Variants in RBFOX1 observed in about 807,000 individuals in gnomAD.
RBFOX1 encodes the protein RNA binding fox-1 homolog 1.
Under a neutral mutation model 57.7 loss-of-function variants are expected in RBFOX1, and 8 were observed. The observed-to-expected ratio is 0.14, with a 90% CI of 0.08 to 0.25. The LOEUF (loss-of-function observed/expected upper bound fraction) is 0.25, where lower values mean the gene tolerates loss of function less well. Among genes scored for constraint, RBFOX1 ranks in the 10% least tolerant of loss-of-function variants. RBFOX1 has a pLI of 1.00. For synonymous variants in RBFOX1, 326 were observed against 222.4 expected, an observed-to-expected ratio of 1.47 and a Z score of -4.15; for missense variants, 611 against 548.5, an observed-to-expected ratio of 1.11 and a Z score of -1.14.
At chr16:6,327,010 A>G (rs2082450063) in intron 2 of RBFOX1, among the ~76,000 whole-genome samples, 1 of 152,106 alleles carries the variant, frequency 6.6e-6, no homozygotes, top group South Asian at 2.1e-4. Context: ...GCTCGTTTTA[A>G]ACTTATCACA....
chr16:7,635,570 G>C (rs117081707), intron 11 of RBFOX1, among the ~76,000 whole-genome samples: 4,440 of 152,200 alleles, frequency 0.029, 100 homozygotes, highest in Middle Eastern at 0.051. Context: ...ATGCAATGGT[G>C]GGGGCGGGGG....
chr16:5,242,720 C>G (rs2062197829), intron 1 of RBFOX1, among the ~76,000 whole-genome samples: 1 of 152,136 alleles, frequency 6.6e-6, no homozygotes, highest in Non-Finnish European at 1.5e-5. Flanking sequence ...GGACTTTTCT[C>G]TGCAAGAAGC....
At chr16:7,695,285 C>G (rs571652135) in intron 14 of RBFOX1, among the ~76,000 whole-genome samples, 9 of 152,276 alleles carry the variant, frequency 5.9e-5, no homozygotes, top group Non-Finnish European at 1.0e-4. Flanking sequence ...TATCTCCCAG[C>G]AAGTTCACCT....
intron 2 of RBFOX1, among the ~76,000 whole-genome samples, chr16:5,543,200 G>C (rs2045038075): frequency 6.6e-6 from 1 of 152,118 alleles, no homozygotes; most frequent in South Asian, 2.1e-4. Flanking sequence ...GCCCAAAGAA[G>C]TTGCAAAGAA....
intron 4 of RBFOX1, among the ~76,000 whole-genome samples, chr16:5,881,235 G>C (rs1182087754): frequency 2.6e-5 from 4 of 152,200 alleles, no homozygotes; most frequent in African/African-American, 9.6e-5. Flanking sequence ...TGAAAGTCTA[G>C]AACTGGATGA....
At chr16:6,960,444 A>G (rs529014133) in intron 3 of RBFOX1, among the ~76,000 whole-genome samples, 27 of 152,106 alleles carry the variant, frequency 1.8e-4, no homozygotes, top group African/African-American at 6.5e-4. Flanking sequence ...ACAGGAATAA[A>G]CTCCCTTGTC....
upstream of RBFOX1, among the ~76,000 whole-genome samples, chr16:6,016,793 C>T (rs1217340697): frequency 2.0e-5 from 3 of 152,144 alleles, no homozygotes; most frequent in Non-Finnish European, 2.9e-5. Flanking sequence ...CTTCCAGTGG[C>T]TCAACATGGA....
Position 5,783,273 on chromosome 16 carries a change from T to G in RBFOX1, c.319-84030T>G, listed in dbSNP as rs113318426. ...CACCTGTGTAACTATCTTTTCAATCTATGTATAAGATATCTCTCTCCTCCC... is the reference window on the plus strand; with the variant it reads ...CACCTGTGTAACTATCTTTTCAATCGATGTATAAGATATCTCTCTCCTCCC... On this transcript the variant is annotated intron_variant, in intron 3 of 19. Transcript: ENST00000641259. 1.0e-3 allele frequency among the ~76,000 whole-genome samples: 153 copies of G among 152,352 alleles called. 1 individual carries two copies. Among genetic ancestry groups the G allele is most frequent in the African/African-American group, 3.4e-3 (140 of 41,578 alleles).
At chr16:7,622,309 A>G (rs910571078) in intron 10 of RBFOX1, among the ~76,000 whole-genome samples, 19 of 152,234 alleles carry the variant, frequency 1.2e-4, no homozygotes, top group African/African-American at 4.1e-4. Flanking sequence ...CTACAGGGTC[A>G]TTAAGAGTAA....
At chr16:5,826,915 GA>G (rs2056077062) in intron 3 of RBFOX1, among the ~76,000 whole-genome samples, 1 of 152,190 alleles carries the variant, frequency 6.6e-6, no homozygotes, top group Non-Finnish European at 1.5e-5. Context: ...AATAGTGTTG[GA>G]AATGCTAGAA....
chr16:5,815,719 A>G (rs1413509313), intron 3 of RBFOX1, among the ~76,000 whole-genome samples: 1 of 152,066 alleles, frequency 6.6e-6, no homozygotes, highest in Non-Finnish European at 1.5e-5. Flanking sequence ...TTCTTGTAAA[A>G]CCATTGCAAT....
At chr16:7,351,391 G>A (rs1038419109) in intron 4 of RBFOX1, among the ~76,000 whole-genome samples, 13 of 152,374 alleles carry the variant, frequency 8.5e-5, no homozygotes, top group Non-Finnish European at 1.5e-4. Context: ...TGCAAGGCAC[G>A]ATGGCAAACA....
chr16:6,786,157 G>C (rs1385333155), intron 3 of RBFOX1, among the ~76,000 whole-genome samples: 1 of 152,104 alleles, frequency 6.6e-6, no homozygotes, highest in African/African-American at 2.4e-5. Context: ...TGGAGTTCGG[G>C]GGCCAGGCGA....
At chr16:6,838,223 C>G (rs149775191) in intron 3 of RBFOX1, among the ~76,000 whole-genome samples, 3 of 152,026 alleles carry the variant, frequency 2.0e-5, no homozygotes, top group Non-Finnish European at 2.9e-5. Context: ...GTTCCCTTCC[C>G]TGTGTCCATG....
At chr16:6,268,334 C>T (rs1426201337) in intron 1 of RBFOX1, among the ~76,000 whole-genome samples, 3 of 152,182 alleles carry the variant, frequency 2.0e-5, no homozygotes, top group Non-Finnish European at 2.9e-5. Flanking sequence ...CCTCTGCTCC[C>T]ATCACCCTAA....
intron 1 of RBFOX1, among the ~76,000 whole-genome samples, chr16:5,334,022 G>A (rs1263485166): frequency 6.6e-6 from 1 of 152,166 alleles, no homozygotes; most frequent in Non-Finnish European, 1.5e-5. Flanking sequence ...GGTTTATTTT[G>A]GTGAATAAAC....
chr16:7,403,012 C>T (rs962862827), intron 4 of RBFOX1, among the ~76,000 whole-genome samples: 6 of 152,174 alleles, frequency 3.9e-5, no homozygotes, highest in African/African-American at 9.7e-5. Context: ...TGGAACTCCC[C>T]GTTCACGATG....
At chr16:7,233,626 C>T (rs538784665) in intron 4 of RBFOX1, among the ~76,000 whole-genome samples, 1 of 152,212 alleles carries the variant, frequency 6.6e-6, no homozygotes. Flanking sequence ...GCATTGTGGA[C>T]ATCCGATTGT....
rs1567355465 is a variant in RBFOX1, at chr16:6,060,122, G to GTTTTTTGTTTTTTTTTT, written c.-127+40136_-127+40137insGTTTTTTTTTTTTTTTT. Among the ~76,000 whole-genome samples the GTTTTTTGTTTTTTTTTT allele has an allele frequency of 5.1e-4, 58 of 114,204 alleles. 3 individuals are homozygous for GTTTTTTGTTTTTTTTTT. Among genetic ancestry groups the GTTTTTTGTTTTTTTTTT allele is most frequent in the East Asian group, 3.2e-3 (12 of 3,786 alleles). 74.9% of individuals were successfully genotyped at this position (114,204 alleles called of 152,430 possible). ...ATTTGGCCCTAAAATTAGGATTAGG[G>GTTTTTTGTTTTTTTTTT]TTTTTTTTTTTTTTTTTTTTTTTTT... On this transcript the variant is annotated intron_variant, in intron 1 of 15. Coordinates refer to ENST00000550418, the MANE Select transcript of RBFOX1 (RefSeq NM_018723.4).
Sources: gnomAD v4.1 joint callset for allele counts (sites outside exome capture counted in the v4.1 genomes callset) on GRCh38, gnomAD v4.1.1 for gene constraint, MANE v1.5 for transcripts, NCBI Gene and HGNC (gene_info 2026-07-23, HGNC 2026-07-21) for gene names.